The following TBC1D19 variants were observed in gnomAD, a reference collection of about 807,000 sequenced individuals.
TBC1D19 encodes the protein TBC1 domain family member 19.
A neutral mutation model predicts 89.0 loss-of-function variants in TBC1D19; 60 were observed. The observed-to-expected ratio is 0.67, with a 90% confidence interval of 0.55 to 0.84. The LOEUF (loss-of-function observed/expected upper bound fraction) is 0.84. TBC1D19 is among the 40% of genes least tolerant of loss of function. TBC1D19 has a pLI of 0.00. For synonymous variants in TBC1D19, 189 were observed against 199.7 expected (o/e 0.95, Z 0.45); for missense variants, 500 against 610.8 (o/e 0.82, Z 1.91).
intron 4 of TBC1D19, among the ~76,000 whole-genome samples, chr4:26,621,487 A>G (rs910451962): frequency 6.6e-6 from 1 of 152,184 alleles, no homozygotes; most frequent in South Asian, 2.1e-4. Flanking sequence ...TTTCAAAGGT[A>G]CCTCAAAGAA....
intron 1 of TBC1D19, among the ~76,000 whole-genome samples, chr4:26,588,201 AT>A (rs531064700): frequency 1.7e-3 from 254 of 151,494 alleles, no homozygotes; most frequent in African/African-American, 6.0e-3. Context: ...GATTTTTTGT[AT>A]TTTTAGTAGA....
chr4:26,826,871 C>G, the TBC1D19 span, among the ~76,000 whole-genome samples: 1 of 152,304 alleles, frequency 6.6e-6, no homozygotes, highest in East Asian at 1.9e-4. Context: ...AAGATAAACC[C>G]TTCCAGAAAT....
intron 13 of TBC1D19, among the ~76,000 whole-genome samples, chr4:26,705,486 T>C (rs892116818): frequency 2.0e-5 from 3 of 152,216 alleles, no homozygotes; most frequent in Non-Finnish European, 4.4e-5. Context: ...CCCAGCTTCA[T>C]TCTTTTGCAT....
the TBC1D19 span, among the ~76,000 whole-genome samples, chr4:26,834,056 G>T: frequency 2.6e-5 from 4 of 152,160 alleles, no homozygotes; most frequent in South Asian, 6.2e-4. Flanking sequence ...GTTCTTATGA[G>T]ATCTGGTTGT....
chr4:26,769,198 C>T, the TBC1D19 span, among the ~76,000 whole-genome samples: 29 of 152,120 alleles, frequency 1.9e-4, no homozygotes, highest in South Asian at 6.0e-3. Flanking sequence ...GTGAAAACAT[C>T]TTTCAAAAAT....
At chr4:26,857,060 C>T in the TBC1D19 span, among the ~76,000 whole-genome samples, 1 of 152,184 alleles carries the variant, frequency 6.6e-6, no homozygotes, top group Non-Finnish European at 1.5e-5. Context: ...CACTTGAGGA[C>T]TATCTCATGT....
chr4:26,783,567 A>T, the TBC1D19 span, among the ~76,000 whole-genome samples: 1,253 of 118,506 alleles, frequency 0.011, 18 homozygotes, highest in African/African-American at 0.056. Context: ...CACATTTTTT[A>T]AAAAAAAGAT....
chr4:26,656,642 T>G (rs1744834878), intron 7 of TBC1D19, among the ~76,000 whole-genome samples: 1 of 151,414 alleles, frequency 6.6e-6, no homozygotes, highest in African/African-American at 2.4e-5. Flanking sequence ...CACTGTAACC[T>G]CCCCCTCCCG....
At chr4:26,633,986 A>G (rs1034076590) in intron 4 of TBC1D19, among the ~76,000 whole-genome samples, 1 of 151,802 alleles carries the variant, frequency 6.6e-6, no homozygotes, top group Non-Finnish European at 1.5e-5. Context: ...TTCTCAAATC[A>G]TATTTGGAGT....
At chr4:26,850,102 C>T in the TBC1D19 span, among the ~76,000 whole-genome samples, 1 of 152,070 alleles carries the variant, frequency 6.6e-6, no homozygotes, top group Non-Finnish European at 1.5e-5. Context: ...ATTGTGCCCC[C>T]TCCCAAATTC....
chr4:26,616,974 G>A (rs1741738091), intron 3 of TBC1D19, among the ~76,000 whole-genome samples: 1 of 152,310 alleles, frequency 6.6e-6, no homozygotes, highest in South Asian at 2.1e-4. Context: ...ACCCTATGAA[G>A]TAAAATTTAT....
At chr4:26,633,493 G>T (rs1232519969) in intron 4 of TBC1D19, among the ~76,000 whole-genome samples, 1 of 152,076 alleles carries the variant, frequency 6.6e-6, no homozygotes, top group African/African-American at 2.4e-5. Context: ...CAGAAAAAGG[G>T]TTCTTGTTGT....
intron 7 of TBC1D19, among the ~76,000 whole-genome samples, chr4:26,642,168 G>A (rs1346920857): frequency 6.6e-6 from 1 of 152,194 alleles, no homozygotes; most frequent in Non-Finnish European, 1.5e-5. Flanking sequence ...CATGTTAAGG[G>A]CAGCCAGAGA....
downstream of TBC1D19, among the ~76,000 whole-genome samples, chr4:26,758,457 A>G (rs1719347953): frequency 6.6e-6 from 1 of 152,144 alleles, no homozygotes; most frequent in African/African-American, 2.4e-5. Flanking sequence ...GGTGAGGCTG[A>G]CTTGCATCCC....
chr4:26,580,201 C>G (rs1739039608), upstream of TBC1D19, among the ~76,000 whole-genome samples: 1 of 152,152 alleles, frequency 6.6e-6, no homozygotes, highest in Non-Finnish European at 1.5e-5. Flanking sequence ...TAGTCTGATA[C>G]TCAGCCTGGA....
At chr4:26,662,748 TA>T (rs1247564245) in intron 8 of TBC1D19, 1 of 152,204 alleles carries the variant, frequency 6.6e-6, no homozygotes, top group East Asian at 1.9e-4. Context: ...GTAATGTCTT[TA>T]AAAACCTGAG....
the TBC1D19 span, among the ~76,000 whole-genome samples, chr4:26,848,563 A>C: frequency 6.6e-6 from 1 of 152,268 alleles, no homozygotes; most frequent in Non-Finnish European, 1.5e-5. Context: ...GAGACAAAAG[A>C]GTAAACTGTT....
intron 4 of TBC1D19, among the ~76,000 whole-genome samples, chr4:26,628,899 A>G (rs556393616): frequency 6.8e-4 from 104 of 152,178 alleles, no homozygotes; most frequent in African/African-American, 2.3e-3. Context: ...GCTCATGGGT[A>G]GGAAGAATCA....
intron 13 of TBC1D19, among the ~76,000 whole-genome samples, chr4:26,699,608 C>G (rs946874264): frequency 2.0e-5 from 3 of 152,128 alleles, no homozygotes; most frequent in African/African-American, 7.2e-5. Context: ...GACTTGCAAC[C>G]AACCCAAATG....
Sources: allele counts gnomAD v4.1 joint callset (sites outside exome capture counted in the v4.1 genomes callset), GRCh38; gene constraint gnomAD v4.1.1; transcripts MANE v1.5; gene names NCBI Gene and HGNC (gene_info 2026-07-23, HGNC 2026-07-21).